The following CLIP2 variants were observed in gnomAD, a reference collection of about 807,000 sequenced individuals.
CLIP2 encodes the protein CAP-Gly domain-containing linker protein 2.
CLIP2 carries 41 observed loss-of-function variants against 111.7 expected under a neutral mutation model. That is an observed-to-expected ratio of 0.37 (90% CI 0.29 to 0.48). The LOEUF (loss-of-function observed/expected upper bound fraction) is 0.48, where lower values mean the gene tolerates loss of function less well. Among genes scored for constraint, CLIP2 ranks in the 20% least tolerant of loss-of-function variants. CLIP2 has a pLI of 0.99. For missense variants in CLIP2, 1,160 were observed against 1,422.1 expected (o/e 0.82, Z 2.96); for synonymous variants, 660 against 644.2 (o/e 1.02, Z -0.37).
Position 74,339,118 on chromosome 7 carries a change from C to T in CLIP2, c.678+114C>T, listed in dbSNP as rs1292886950. Reference sequence around the variant, plus strand: ...GGGCAGGGTGGGGACTCGAAGGGGGCTCGGACAGGGTCCAGCCTGGGACAC... The same window carrying T: ...GGGCAGGGTGGGGACTCGAAGGGGGTTCGGACAGGGTCCAGCCTGGGACAC... On this transcript the variant is annotated intron_variant, in intron 3 of 16. Transcript: ENST00000223398. 5.2e-6 allele frequency: 5 copies of T among 970,154 alleles called. No individual in the cohort carries two copies. In the African/African-American group the frequency reaches 8.2e-5, roughly 16 times the overall value. 60.1% of individuals were successfully genotyped at this position (970,154 alleles called of 1,614,324 possible). A position where few individuals can be genotyped will look rare whatever the true frequency, so the allele number is the denominator to read the frequency against.
intron 7 of CLIP2, among the ~76,000 whole-genome samples, chr7:74,361,851 A>G (rs1458870179): frequency 2.0e-5 from 3 of 152,104 alleles, no homozygotes; most frequent in Non-Finnish European, 4.4e-5. Flanking sequence ...CTGTAATCTC[A>G]GCACTTTGGG....
chr7:74,332,420 T>C (rs541671332), intron 2 of CLIP2, among the ~76,000 whole-genome samples: 41 of 151,614 alleles, frequency 2.7e-4, no homozygotes, highest in Non-Finnish European at 5.0e-4. Flanking sequence ...CAGGCTGGAT[T>C]GCAGTGGTGG....
intron 3 of CLIP2, among the ~76,000 whole-genome samples, chr7:74,352,457 A>T (rs1790031730): frequency 6.6e-6 from 1 of 151,924 alleles, no homozygotes; most frequent in African/African-American, 2.4e-5. Context: ...CAAAAACAAA[A>T]AAAACACTAG....
intron 1 of CLIP2, among the ~76,000 whole-genome samples, chr7:74,307,137 C>T (rs1788513574): frequency 1.3e-5 from 2 of 152,244 alleles, no homozygotes; most frequent in South Asian, 2.1e-4. Flanking sequence ...CCCTCTGCAC[C>T]CTTCTCCCCC....
intron 1 of CLIP2, among the ~76,000 whole-genome samples, chr7:74,304,964 G>GAATAAATA (rs1304966670): frequency 6.6e-6 from 1 of 151,846 alleles, no homozygotes; most frequent in Admixed American, 6.6e-5. Context: ...ATAAATGAAT[G>GAATAAATA]AATGAATAAA....
chr7:74,380,593 G>C, intron 10 of CLIP2: 1 of 459,590 alleles, frequency 2.2e-6, no homozygotes, highest in South Asian at 5.0e-5. Context: ...GCCTTCAGCA[G>C]AGCTGGGTGC....
intron 8 of CLIP2, among the ~76,000 whole-genome samples, chr7:74,369,218 G>A (rs1199451908): frequency 6.6e-6 from 1 of 152,140 alleles, no homozygotes; most frequent in Non-Finnish European, 1.5e-5. Flanking sequence ...GGGCATGGTG[G>A]TGGGCACCAG....
Position 74,338,619 on chromosome 7 carries a change from TG to T in CLIP2, c.296del (p.Gly99GlufsTer47). 6.4e-7 allele frequency: 1 copy of T among 1,564,606 alleles called. No individual in the cohort carries two copies. On this transcript the variant is annotated frameshift_variant, in exon 3 of 17. Coordinates refer to ENST00000223398, the MANE Select transcript of CLIP2 (RefSeq NM_003388.5). LOFTEE classifies it high-confidence loss of function. This position sits in a 1 kb window ranked among gnomAD's most constrained non-coding sequence, Gnocchi z 4.3. ...GTGAAGCCAGGCGTGGTGCAGTATC[TG>T]GGAGAGACGCAGTTCGCACCGGGCC... ...NGVKPGVVQY[L>X]GETQFAPGQW...
At position 74,404,855 on chromosome 7, in the gene CLIP2, G is replaced by C. The variant is rs1347495142; in HGVS notation, c.*1007G>C. ...CCGTGTGGGTGGCGGCGTTTGCTGT[G>C]AACCACGCTCAGGCCACACAGAGAC... is the stretch of plus-strand genomic sequence containing the variant. On this transcript the variant is annotated 3_prime_UTR_variant, in exon 17 of 17. Coordinates refer to ENST00000223398, the MANE Select transcript of CLIP2 (RefSeq NM_003388.5). 1 of 152,226 alleles carries C rather than the reference G, an allele frequency of 6.6e-6. No individual in the cohort carries two copies. The highest frequency in any genetic ancestry group is 6.5e-5 in the Admixed American group (1 of 15,276). 9.4% of individuals were successfully genotyped at this position (152,226 alleles called of 1,614,324 possible). A position where few individuals can be genotyped will look rare whatever the true frequency, so the allele number is the denominator to read the frequency against.
At chr7:74,293,692 G>T (rs891133175) in intron 1 of CLIP2, among the ~76,000 whole-genome samples, 2 of 152,318 alleles carry the variant, frequency 1.3e-5, no homozygotes, top group South Asian at 4.1e-4. Flanking sequence ...AGGCAGACCC[G>T]TGGTCAATTA....
chr7:74,381,511 A>G, intron 11 of CLIP2: 1 of 433,678 alleles, frequency 2.3e-6, no homozygotes, highest in Middle Eastern at 3.3e-4. Flanking sequence ...AAACAGGTCT[A>G]AACTTCAAAT....
At chr7:74,334,753 G>T (rs1177608461) in intron 2 of CLIP2, among the ~76,000 whole-genome samples, 16 of 151,042 alleles carry the variant, frequency 1.1e-4, no homozygotes, top group African/African-American at 3.9e-4. Context: ...GCCAAGGCAG[G>T]AGGGTCACTT....
intron 1 of CLIP2, among the ~76,000 whole-genome samples, chr7:74,314,362 A>T (rs539370252): frequency 6.6e-6 from 1 of 152,094 alleles, no homozygotes; most frequent in Admixed American, 6.6e-5. Context: ...ATGGTGGCAG[A>T]TATCTGTAGT....
intron 1 of CLIP2, among the ~76,000 whole-genome samples, chr7:74,315,046 C>T (rs574848471): frequency 1.2e-4 from 18 of 152,038 alleles, no homozygotes; most frequent in Admixed American, 1.1e-3. Context: ...GGAGGCGAGG[C>T]GGGAGGATCA....
At chr7:74,349,416 C>T (rs1282241556) in intron 3 of CLIP2, among the ~76,000 whole-genome samples, 3 of 95,804 alleles carry the variant, frequency 3.1e-5, no homozygotes, top group African/African-American at 4.1e-5. Flanking sequence ...GGCAACAAAG[C>T]GAGACTCTGT....
rs1554312634 is a variant in CLIP2 at position 74,375,745 on chromosome 7, G to A, written c.1486-142G>A. 9.4e-6 allele frequency: 6 copies of A among 640,278 alleles called. 1 individual carries two copies. Among genetic ancestry groups the A allele is most frequent in the South Asian group, 8.5e-5 (4 of 47,164 alleles). 39.7% of individuals were successfully genotyped at this position (640,278 alleles called of 1,614,324 possible). ...AGCCAGCACTCAGGAGGGAGTGAGC[G>A]CCTTTCCCTTCCCATGACCTCCACC... On this transcript the variant is annotated intron_variant, in intron 9 of 16. Transcript: ENST00000223398.
At chr7:74,381,963 C>CCGAAA (rs141109359) in intron 11 of CLIP2, among the ~76,000 whole-genome samples, 155 of 152,292 alleles carry the variant, frequency 1.0e-3, no homozygotes, top group African/African-American at 3.7e-3. Flanking sequence ...AACCTGTTTC[C>CCGAAA]CCTCAAACTC....
At chr7:74,336,750 T>C (rs782377431) in intron 2 of CLIP2, among the ~76,000 whole-genome samples, 12 of 152,204 alleles carry the variant, frequency 7.9e-5, no homozygotes, top group Admixed American at 2.6e-4. Flanking sequence ...GCCTCAGTTT[T>C]CTCATCTGTG....
intron 3 of CLIP2, among the ~76,000 whole-genome samples, chr7:74,346,758 G>GCACAGTGGCT (rs1554306407): frequency 6.8e-6 from 1 of 146,686 alleles, no homozygotes; most frequent in East Asian, 2.0e-4. Context: ...CACTGGCCAT[G>GCACAGTGGCT]CACAGTGGCT....
Sources: gnomAD v4.1 joint callset for allele counts (sites outside exome capture counted in the v4.1 genomes callset) on GRCh38, gnomAD v4.1.1 for gene constraint, Gnocchi (gnomAD v3.1) non-coding constraint, MANE v1.5 for transcripts, NCBI Gene and HGNC (gene_info 2026-07-23, HGNC 2026-07-21) for gene names.